MTMR12: variants seen among roughly 807,000 people sequenced by gnomAD.
MTMR12 encodes the protein myotubularin-related protein 12.
A neutral mutation model predicts 96.7 loss-of-function variants in MTMR12; 33 were observed. The ratio of observed to expected loss-of-function variants is 0.34; its 90% CI spans 0.26 to 0.46. The LOEUF (loss-of-function observed/expected upper bound fraction) is 0.46, where lower values mean the gene tolerates loss of function less well. Ranked by LOEUF, MTMR12 falls within the 20% of genes least tolerant of loss-of-function variation. MTMR12 has a pLI of 1.00. For synonymous variants in MTMR12, 298 were observed against 327.2 expected, an observed-to-expected ratio of 0.91 and a Z score of 0.96; for missense variants, 721 against 896.1, an observed-to-expected ratio of 0.80 and a Z score of 2.49.
intron 7 of MTMR12, among the ~76,000 whole-genome samples, chr5:32,260,037 C>CA (rs55822680): frequency 0.048 from 2,623 of 54,430 alleles, 56 homozygotes; most frequent in Non-Finnish European, 0.068. Flanking sequence ...CTCAGTCTCC[C>CA]AAAAAAAAAA....
intron 1 of MTMR12, among the ~76,000 whole-genome samples, chr5:32,282,472 AAAAT>A (rs1196237958): frequency 2.6e-5 from 4 of 150,988 alleles, no homozygotes; most frequent in Admixed American, 2.0e-4. Flanking sequence ...AATAAAATAA[AAAAT>A]AAAAATCATC....
At chr5:32,289,689 G>A (rs1750672508) in intron 1 of MTMR12, among the ~76,000 whole-genome samples, 1 of 152,138 alleles carries the variant, frequency 6.6e-6, no homozygotes, top group Admixed American at 6.5e-5. Context: ...TGGGCCCCCA[G>A]ACTCATCCTG....
chr5:32,251,155 A>C (rs1258694802), intron 8 of MTMR12, among the ~76,000 whole-genome samples: 2 of 145,512 alleles, frequency 1.4e-5, no homozygotes, highest in Non-Finnish European at 3.0e-5. Context: ...TCCCGGGTTC[A>C]CGCCATTCTC....
intron 9 of MTMR12, 123 bp from the exon 10 acceptor site, chr5:32,248,249 C>T (rs1748776025): frequency 9.1e-7 from 1 of 1,098,208 alleles, no homozygotes; most frequent in Non-Finnish European, 1.3e-6. Flanking sequence ...CTTCACCTAC[C>T]AGGCAATTGC....
In MTMR12 at chr5:32,238,104, A is replaced by G. The variant is rs561718546; in HGVS notation, c.1344+897T>C. On this transcript the variant is annotated intron_variant, in intron 13 of 15. Coordinates refer to ENST00000382142, the MANE Select transcript of MTMR12 (RefSeq NM_001040446.3). ...GGCTGCAGTGAGCTGAGACTGCACC[A>G]CTGCACTCTAGCCTGTGCAACAGAG... Among the ~76,000 whole-genome samples the G allele has an allele frequency of 4.4e-5, 6 of 137,754 alleles. No homozygotes were observed. The East Asian group carries it at 1.4e-3, about 33-fold the overall frequency. 90.4% of individuals were successfully genotyped at this position (137,754 alleles called of 152,430 possible). A position where few individuals can be genotyped will look rare whatever the true frequency, so the allele number is the denominator to read the frequency against.
intron 1 of MTMR12, among the ~76,000 whole-genome samples, chr5:32,286,642 T>A (rs936867649): frequency 6.6e-6 from 1 of 152,216 alleles, no homozygotes. Flanking sequence ...CTACACATCA[T>A]CTCATTTATT....
chr5:32,234,982 GAGGTGAATTGAAGA>G lies in MTMR12; in HGVS notation c.1478_1491del (p.Phe493SerfsTer6). 6.2e-7 allele frequency: 1 copy of G among 1,613,110 alleles called. No homozygotes were observed. The highest frequency in any genetic ancestry group is 2.2e-5 in the East Asian group (1 of 44,878). ...CTTACCATGTTAGTATCTTTTTGAT[GAGGTGAATTGAAGA>G]AGAAGGTGCTAAAAATAGGTATATA... On this transcript the variant is annotated frameshift_variant, in exon 14 of 16. Transcript: ENST00000382142. LOFTEE classifies it high-confidence loss of function.
At chr5:32,243,372 A>G in intron 11 of MTMR12, 149 bp downstream of exon 11, 1 of 610,540 alleles carries the variant, frequency 1.6e-6, no homozygotes, top group South Asian at 2.1e-5. Flanking sequence ...CACAGAAATA[A>G]GTAGCAAATA....
At position 32,312,928 on chromosome 5, in the gene MTMR12, G is replaced by A; in HGVS notation, c.-90C>T. 8.1e-7 allele frequency: 1 copy of A among 1,238,514 alleles called. No homozygotes were observed. 76.7% of individuals were successfully genotyped at this position (1,238,514 alleles called of 1,614,324 possible). On this transcript the variant is annotated 5_prime_UTR_variant, in exon 1 of 16. Coordinates refer to ENST00000382142, the MANE Select transcript of MTMR12 (RefSeq NM_001040446.3). This position sits in a 1 kb window ranked among gnomAD's most constrained non-coding sequence, Gnocchi z 5.0. ...AGCAGCGGCGGCCACCAGCACTAGC[G>A]GCTGGGGCTCCGCCCATCCCCAAGG...
At chr5:32,263,895 A>G (rs1446994069) in intron 6 of MTMR12, among the ~76,000 whole-genome samples, 1 of 152,252 alleles carries the variant, frequency 6.6e-6, no homozygotes, top group African/African-American at 2.4e-5. Flanking sequence ...AAGTGACAAA[A>G]TATTTTTAGC....
chr5:32,292,050 A>G (rs1200353796), intron 1 of MTMR12, among the ~76,000 whole-genome samples: 1 of 152,218 alleles, frequency 6.6e-6, no homozygotes, highest in Non-Finnish European at 1.5e-5. Flanking sequence ...CTTTGCGGCT[A>G]AAGAAGTGCG....
chr5:32,290,444 G>C (rs572021849), intron 1 of MTMR12, among the ~76,000 whole-genome samples: 1 of 152,316 alleles, frequency 6.6e-6, no homozygotes, highest in African/African-American at 2.4e-5. Context: ...TAGGGGTTCG[G>C]TGGTGTGCGG....
In MTMR12 at chr5:32,312,715, G is replaced by GGCCGCCCCT; in HGVS notation, c.81+34_81+42dup. The GGCCGCCCCT allele has an allele frequency of 7.1e-7, 1 of 1,418,394 alleles. No individual in the cohort carries two copies. Among genetic ancestry groups the GGCCGCCCCT allele is most frequent in the Non-Finnish European group, 9.2e-7 (1 of 1,086,628 alleles). The allele number at this position is 1,418,394 out of a possible 1,614,324, so 87.9% of individuals were successfully genotyped here. On this transcript the variant is annotated intron_variant, in intron 1 of 15. Transcript: ENST00000382142. This position sits in a 1 kb window ranked among gnomAD's most constrained non-coding sequence, Gnocchi z 5.0. ...AGGGGCTCCCGGCGCCCCTCGCCCC[G>GGCCGCCCCT]GCCGCCCCTGCCCGACGCCCCGCCT...
intron 13 of MTMR12, among the ~76,000 whole-genome samples, chr5:32,237,536 A>G (rs1469500220): frequency 6.6e-6 from 1 of 151,234 alleles, no homozygotes; most frequent in Non-Finnish European, 1.5e-5. Flanking sequence ...TTGGAGATGG[A>G]GTCTCATTCT....
chr5:32,238,870 T>G, intron 13 of MTMR12, 131 bp downstream of exon 13: 1 of 1,010,786 alleles, frequency 9.9e-7, no homozygotes, highest in Non-Finnish European at 1.3e-6. Flanking sequence ...GAAACGATCC[T>G]AGTTTTCTTA....
intron 1 of MTMR12, among the ~76,000 whole-genome samples, chr5:32,299,929 T>C (rs933990390): frequency 6.6e-6 from 1 of 151,688 alleles, no homozygotes; most frequent in African/African-American, 2.4e-5. Flanking sequence ...AATGTCGACC[T>C]TTCCAAGTCC....
intron 1 of MTMR12, among the ~76,000 whole-genome samples, chr5:32,310,875 TTC>T (rs1751557933): frequency 1.4e-5 from 2 of 138,560 alleles, no homozygotes; most frequent in East Asian, 2.3e-4. Flanking sequence ...AAAGATTTCT[TTC>T]TTTTTTTTTT....
intron 10 of MTMR12, among the ~76,000 whole-genome samples, chr5:32,244,828 G>C (rs1748616957): frequency 6.6e-6 from 1 of 151,898 alleles, no homozygotes; most frequent in African/African-American, 2.4e-5. Flanking sequence ...ATATATACAA[G>C]GGGACTTCAA....
At chr5:32,248,993 G>T in intron 8 of MTMR12, 115 bp from the exon 9 acceptor site, 1 of 754,832 alleles carries the variant, frequency 1.3e-6, no homozygotes. Flanking sequence ...TGAAATGGCT[G>T]GACATACTTA....
Sources: gnomAD v4.1 joint callset for allele counts (sites outside exome capture counted in the v4.1 genomes callset) on GRCh38, gnomAD v4.1.1 for gene constraint, Gnocchi (gnomAD v3.1) non-coding constraint, MANE v1.5 for transcripts, NCBI Gene and HGNC (gene_info 2026-07-23, HGNC 2026-07-21) for gene names.